The following NUBPL variants were observed in gnomAD, a reference collection of about 807,000 sequenced individuals.
The protein encoded by NUBPL is NUBP iron-sulfur cluster assembly factor, mitochondrial.
Under a neutral mutation model 45.7 loss-of-function variants are expected in NUBPL, and 31 were observed. That is an observed-to-expected ratio of 0.68 (90% confidence interval 0.51 to 0.92). The LOEUF is 0.92. NUBPL is among the 40% of genes least tolerant of loss of function. NUBPL has a pLI of 0.00. For missense variants in NUBPL, 401 were observed against 398.7 expected (o/e 1.01, Z -0.05); for synonymous variants, 144 against 140.9 (o/e 1.02, Z -0.15).
Position 31,834,452 on chromosome 14 carries a change from T to C in NUBPL, c.693+7738T>C, listed in dbSNP as rs566228866. On this transcript the variant is annotated intron_variant, in intron 8 of 10. Coordinates refer to ENST00000281081, the MANE Select transcript of NUBPL (RefSeq NM_025152.3). ...CCTTGGCCTCCCAAAGTGCTGGGAT[T>C]ACAGGCGTGAGCCACTGCGCCTGGC... 1.2e-3 allele frequency among the ~76,000 whole-genome samples: 186 copies of C among 152,278 alleles called. 4 individuals carry two copies. The South Asian group carries it at 0.031, about 25-fold the overall frequency.
At chr14:31,809,862 A>G (rs1448194905) in intron 7 of NUBPL, among the ~76,000 whole-genome samples, 1 of 151,932 alleles carries the variant, frequency 6.6e-6, no homozygotes, top group Non-Finnish European at 1.5e-5. Flanking sequence ...TTCTGCCTTC[A>G]TTTCGTTATG....
intron 6 of NUBPL, among the ~76,000 whole-genome samples, chr14:31,697,661 C>T (rs972443427): frequency 2.6e-5 from 4 of 152,174 alleles, no homozygotes; most frequent in Non-Finnish European, 5.9e-5. Flanking sequence ...CATCTCTGAC[C>T]AGCAGAGTTA....
intron 4 of NUBPL, among the ~76,000 whole-genome samples, chr14:31,670,689 T>A (rs373799109): frequency 2.0e-5 from 3 of 152,210 alleles, no homozygotes; most frequent in Non-Finnish European, 4.4e-5. Flanking sequence ...TTTCTACTTA[T>A]GACTAGCCAG....
chr14:31,765,533 C>A (rs1014000872), intron 6 of NUBPL, among the ~76,000 whole-genome samples: 1 of 152,050 alleles, frequency 6.6e-6, no homozygotes, highest in African/African-American at 2.4e-5. Context: ...TGTCCCCAGG[C>A]CCACATGGCC....
chr14:31,615,458 C>A (rs1170406311), intron 4 of NUBPL, among the ~76,000 whole-genome samples: 1 of 152,110 alleles, frequency 6.6e-6, no homozygotes, highest in African/African-American at 2.4e-5. Flanking sequence ...CCCCCCAACT[C>A]ACTGACAGGC....
At chr14:31,793,553 T>C (rs2039421607) in intron 7 of NUBPL, among the ~76,000 whole-genome samples, 1 of 152,200 alleles carries the variant, frequency 6.6e-6, no homozygotes, top group African/African-American at 2.4e-5. Context: ...TGTTTTTCTT[T>C]CATCTTTGCA....
At chr14:31,592,819 G>T (rs1456804798) in intron 3 of NUBPL, among the ~76,000 whole-genome samples, 1 of 152,026 alleles carries the variant, frequency 6.6e-6, no homozygotes, top group Admixed American at 6.6e-5. Flanking sequence ...AGCCCGGACC[G>T]AATGAATCAG....
chr14:31,788,041 A>G (rs1324899162), intron 7 of NUBPL, among the ~76,000 whole-genome samples, 168 bp downstream of exon 7: 1 of 152,240 alleles, frequency 6.6e-6, no homozygotes, highest in South Asian at 2.1e-4. Flanking sequence ...TATTACCAGA[A>G]TAAGTATATT....
At chr14:31,630,101 GTTAA>G (rs965790713) in intron 4 of NUBPL, among the ~76,000 whole-genome samples, 4 of 152,218 alleles carry the variant, frequency 2.6e-5, no homozygotes, top group African/African-American at 9.6e-5. Flanking sequence ...CAGAGAATGA[GTTAA>G]TTAAGATGGT....
chr14:31,803,082 TTGAC>T (rs1360052427), intron 7 of NUBPL, among the ~76,000 whole-genome samples: 1 of 152,176 alleles, frequency 6.6e-6, no homozygotes, highest in Non-Finnish European at 1.5e-5. Context: ...GTAACCCTCT[TTGAC>T]TGTCAGTTTG....
intron 4 of NUBPL, among the ~76,000 whole-genome samples, chr14:31,649,024 G>A (rs914577044): frequency 2.0e-5 from 3 of 152,080 alleles, no homozygotes; most frequent in African/African-American, 7.2e-5. Flanking sequence ...TGGACAGGAT[G>A]GTCTCGATTT....
intron 6 of NUBPL, among the ~76,000 whole-genome samples, chr14:31,732,900 A>C (rs2378942): frequency 0.29 from 44,714 of 151,762 alleles, 7,394 homozygotes; most frequent in South Asian, 0.41. Flanking sequence ...GGTGTGCATC[A>C]CCGCGCCCGG....
intron 3 of NUBPL, among the ~76,000 whole-genome samples, chr14:31,597,633 G>A (rs2139550583): frequency 1.3e-5 from 2 of 152,166 alleles, no homozygotes; most frequent in Middle Eastern, 6.8e-3. Context: ...TTGAAACTTA[G>A]GACCTAACCC....
At position 31,825,449 on chromosome 14, in the gene NUBPL, C is replaced by A. The variant is rs534366477; in HGVS notation, c.608-1180C>A. On this transcript the variant is annotated intron_variant, in intron 7 of 10. Coordinates refer to ENST00000281081, the MANE Select transcript of NUBPL (RefSeq NM_025152.3). ...AGTCTTCCAAGTAGAATATTAACAG[C>A]TTCTTCTTCCTCCTCCTCCTCTTCT... 6.6e-5 allele frequency among the ~76,000 whole-genome samples: 10 copies of A among 152,054 alleles called. No homozygotes were observed. In the East Asian group the frequency reaches 1.9e-3, roughly 29 times the overall value.
chr14:31,634,752 T>A (rs1238418539), intron 4 of NUBPL, among the ~76,000 whole-genome samples: 1 of 151,656 alleles, frequency 6.6e-6, no homozygotes, highest in Non-Finnish European at 1.5e-5. Flanking sequence ...CAGCACCTGT[T>A]GTTTCCTGAC....
chr14:31,581,870 A>G (rs2033872677), intron 3 of NUBPL, among the ~76,000 whole-genome samples: 1 of 152,180 alleles, frequency 6.6e-6, no homozygotes, highest in Non-Finnish European at 1.5e-5. Flanking sequence ...TGGCCTTTTA[A>G]CTAGTACAAT....
chr14:31,576,353 G>T lies in NUBPL; in HGVS notation c.291+11305G>T, dbSNP rs534116628. Among the ~76,000 whole-genome samples, 86 of 152,194 alleles carry T rather than the reference G, an allele frequency of 5.7e-4. 3 individuals carry two copies. The South Asian group carries it at 0.017, about 29-fold the overall frequency. ...TATAGCTTACTGCAGCCTTGAACCC[G>T]TGGGCTCAAGCAATCCTCCTGGTTC... On this transcript the variant is annotated intron_variant, in intron 3 of 10. Transcript: ENST00000281081.
intron 6 of NUBPL, among the ~76,000 whole-genome samples, chr14:31,735,842 A>G (rs1195010535): frequency 1.3e-5 from 2 of 152,134 alleles, no homozygotes; most frequent in East Asian, 3.8e-4. Flanking sequence ...ACAGAGCGAG[A>G]CTCTGTCTTA....
intron 4 of NUBPL, among the ~76,000 whole-genome samples, chr14:31,634,195 G>A (rs2035422230): frequency 6.7e-6 from 1 of 149,886 alleles, no homozygotes; most frequent in Non-Finnish European, 1.5e-5. Context: ...CCATTAACTC[G>A]TCATTTAGCA....
Sources: allele counts gnomAD v4.1 joint callset (sites outside exome capture counted in the v4.1 genomes callset), GRCh38; gene constraint gnomAD v4.1.1; transcripts MANE v1.5; gene names NCBI Gene and HGNC (gene_info 2026-07-23, HGNC 2026-07-21).